The following CSGALNACT1 variants were observed in gnomAD, a reference collection of about 807,000 sequenced individuals.
CSGALNACT1 encodes the protein beta4GalNAcT-1.
In CSGALNACT1, 52 loss-of-function variants were observed where a neutral mutation model predicts 51.0. The observed-to-expected ratio is 1.02, with a 90% CI of 0.82 to 1.29. The LOEUF (loss-of-function observed/expected upper bound fraction) is 1.29, where lower values mean the gene tolerates loss of function less well. CSGALNACT1 is among the 50% of genes most tolerant of loss of function. The pLI is 0.00. For synonymous variants in CSGALNACT1, 341 were observed against 254.4 expected (o/e 1.34, Z -3.24); for missense variants, 935 against 679.2 (o/e 1.38, Z -4.19).
chr8:19,618,544 G>T (rs2154158043), intron 1 of CSGALNACT1, among the ~76,000 whole-genome samples: 1 of 147,004 alleles, frequency 6.8e-6, no homozygotes, highest in Non-Finnish European at 1.5e-5. Flanking sequence ...GAAGAGTGAG[G>T]CAGGAGAATC....
chr8:19,481,351 TC>T (rs2071347343), intron 4 of CSGALNACT1, among the ~76,000 whole-genome samples: 1 of 152,200 alleles, frequency 6.6e-6, no homozygotes, highest in Non-Finnish European at 1.5e-5. Flanking sequence ...CGTCTCATTT[TC>T]CCAACTCAGA....
In CSGALNACT1 at chr8:19,419,037, G is replaced by A. The variant is rs559454820; in HGVS notation, c.1133-287C>T. Among the ~76,000 whole-genome samples, 13 of 152,090 alleles carry A rather than the reference G, an allele frequency of 8.5e-5. 1 individual carries two copies. In the South Asian group the frequency reaches 2.7e-3, roughly 32 times the overall value. The stretch of plus-strand genomic sequence containing the variant: ...AATTTTTTTATTTTAGTAGAGATGG[G>A]GTTTCACCATGTTGGTCAGGCTGGT... On this transcript the variant is annotated intron_variant, in intron 7 of 9. Transcript: ENST00000454498.
chr8:19,478,651 A>T (rs528259180), intron 4 of CSGALNACT1, among the ~76,000 whole-genome samples: 6 of 152,266 alleles, frequency 3.9e-5, no homozygotes, highest in African/African-American at 1.4e-4. Flanking sequence ...CGCTAATAAC[A>T]TATTGCTCCT....
intron 1 of CSGALNACT1, among the ~76,000 whole-genome samples, chr8:19,722,980 C>CA (rs1192230885): frequency 6.6e-6 from 1 of 152,192 alleles, no homozygotes; most frequent in South Asian, 2.1e-4. Flanking sequence ...TACCTGCCAC[C>CA]GATCTTTATT....
At chr8:19,542,810 G>A (rs1225877104) in intron 3 of CSGALNACT1, among the ~76,000 whole-genome samples, 1 of 151,922 alleles carries the variant, frequency 6.6e-6, no homozygotes, top group Non-Finnish European at 1.5e-5. Context: ...TTGTTTTAAC[G>A]GCATAAATGG....
intron 4 of CSGALNACT1, among the ~76,000 whole-genome samples, chr8:19,495,551 C>T (rs1443028242): frequency 6.6e-6 from 1 of 152,096 alleles, no homozygotes; most frequent in Non-Finnish European, 1.5e-5. Flanking sequence ...CTATCCCTCC[C>T]CACAAGACAG....
At chr8:19,423,242 CA>C (rs2058229097) in intron 6 of CSGALNACT1, among the ~76,000 whole-genome samples, 1 of 152,180 alleles carries the variant, frequency 6.6e-6, no homozygotes, top group African/African-American at 2.4e-5. Flanking sequence ...GAACAGCCTA[CA>C]GTCCATTTGT....
intron 3 of CSGALNACT1, among the ~76,000 whole-genome samples, chr8:19,561,941 T>G (rs2040834488): frequency 6.6e-6 from 1 of 152,182 alleles, no homozygotes. Flanking sequence ...TGATCATGCC[T>G]GCATTTCTCA....
chr8:19,567,230 C>A (rs2154104586), intron 3 of CSGALNACT1, among the ~76,000 whole-genome samples: 1 of 152,300 alleles, frequency 6.6e-6, no homozygotes, highest in South Asian at 2.1e-4. Flanking sequence ...AGTACTTGCT[C>A]AGAACCACAT....
At chr8:19,422,328 G>T (rs1179231140) in intron 6 of CSGALNACT1, among the ~76,000 whole-genome samples, 3 of 152,118 alleles carry the variant, frequency 2.0e-5, no homozygotes, top group Non-Finnish European at 4.4e-5. Flanking sequence ...AAGTAGCTGG[G>T]ACTACAAGTG....
intron 3 of CSGALNACT1, among the ~76,000 whole-genome samples, chr8:19,585,495 T>G (rs1448669402): frequency 6.6e-6 from 1 of 152,212 alleles, no homozygotes; most frequent in Non-Finnish European, 1.5e-5. Flanking sequence ...ATAGGTAGAT[T>G]CCTCCGACTT....
intron 1 of CSGALNACT1, among the ~76,000 whole-genome samples, chr8:19,620,594 G>T (rs1439173825): frequency 6.6e-6 from 1 of 151,896 alleles, no homozygotes; most frequent in African/African-American, 2.4e-5. Context: ...ACCAGGCCTG[G>T]CTAATTTATG....
chr8:19,597,243 T>C (rs2049110843), intron 2 of CSGALNACT1, among the ~76,000 whole-genome samples: 2 of 151,728 alleles, frequency 1.3e-5, no homozygotes, highest in Non-Finnish European at 2.9e-5. Flanking sequence ...TATCCATTCA[T>C]CTGTTAATGG....
At position 19,541,553 on chromosome 8, in the gene CSGALNACT1, A is replaced by ATTTTTTTTT. The variant is rs1159626193; in HGVS notation, c.-296-35432_-296-35424dup. Among the ~76,000 whole-genome samples the ATTTTTTTTT allele has an allele frequency of 5.3e-3, 371 of 70,086 alleles. 58 individuals carry two copies. The East Asian group carries it at 0.071, about 13-fold the overall frequency. 46.0% of individuals were successfully genotyped at this position (70,086 alleles called of 152,430 possible). ...AGGTGTGAGCCACCGTGCTCAGCCA[A>ATTTTTTTTT]TTTTTTTTTTTTTTTTTTTTTTTTT... On this transcript the variant is annotated intron_variant, in intron 3 of 9. Transcript: ENST00000454498.
chr8:19,496,152 T>G (rs1297498020), intron 4 of CSGALNACT1, among the ~76,000 whole-genome samples: 1 of 152,158 alleles, frequency 6.6e-6, no homozygotes, highest in Non-Finnish European at 1.5e-5. Context: ...AATATGGCAT[T>G]TGGGAGAAGA....
intron 1 of CSGALNACT1, among the ~76,000 whole-genome samples, chr8:19,672,685 T>C (rs1359829687): frequency 6.6e-6 from 1 of 150,960 alleles, no homozygotes; most frequent in Non-Finnish European, 1.5e-5. Context: ...TTTTTAATAG[T>C]TCATAAACCA....
intron 5 of CSGALNACT1, among the ~76,000 whole-genome samples, chr8:19,452,835 A>T (rs1414108748): frequency 6.6e-6 from 1 of 152,070 alleles, no homozygotes; most frequent in Non-Finnish European, 1.5e-5. Flanking sequence ...AGGGCTCAGA[A>T]GAGCCACAAG....
chr8:19,734,311 T>C (rs1344205738), intron 1 of CSGALNACT1, among the ~76,000 whole-genome samples: 1 of 152,198 alleles, frequency 6.6e-6, no homozygotes, highest in African/African-American at 2.4e-5. Context: ...AGAATATTCT[T>C]GTAACAAAAA....
intron 1 of CSGALNACT1, among the ~76,000 whole-genome samples, chr8:19,712,495 G>A (rs563908091): frequency 1.3e-5 from 2 of 152,218 alleles, no homozygotes; most frequent in African/African-American, 4.8e-5. Context: ...TAGCCACTGA[G>A]TACTCTCTTC....
Sources: gnomAD v4.1 joint callset for allele counts (sites outside exome capture counted in the v4.1 genomes callset) on GRCh38, gnomAD v4.1.1 for gene constraint, MANE v1.5 for transcripts, NCBI Gene and HGNC (gene_info 2026-07-23, HGNC 2026-07-21) for gene names.